The following UIMC1 variants were observed in gnomAD, a reference collection of about 807,000 sequenced individuals.
The protein encoded by UIMC1 is ubiquitin interaction motif containing 1, also known as BRCA1-A complex subunit RAP80.
In UIMC1, 42 loss-of-function variants were observed where a neutral mutation model predicts 84.9. The ratio of observed to expected loss-of-function variants is 0.49; its 90% CI spans 0.39 to 0.64. UIMC1 has a LOEUF of 0.64. Ranked by LOEUF, UIMC1 falls within the 30% of genes least tolerant of loss-of-function variation. The probability of loss-of-function intolerance (pLI) is 0.00; values close to 1 mark genes in which losing one functional copy is unlikely to be tolerated. For synonymous variants in UIMC1, 281 were observed against 293.0 expected (o/e 0.96, Z 0.42); for missense variants, 825 against 847.6 (o/e 0.97, Z 0.33).
chr5:176,913,232 A>C (rs1177055139), intron 10 of UIMC1, among the ~76,000 whole-genome samples: 1 of 152,190 alleles, frequency 6.6e-6, no homozygotes, highest in Non-Finnish European at 1.5e-5. Context: ...TTGGATTGAC[A>C]AATCTTCGAG....
At chr5:176,929,179 C>T (rs931294775) in intron 10 of UIMC1, among the ~76,000 whole-genome samples, 3 of 151,154 alleles carry the variant, frequency 2.0e-5, no homozygotes, top group Non-Finnish European at 2.9e-5. Context: ...CACTTGAACC[C>T]GGGAGGCAGA....
intron 12 of UIMC1, among the ~76,000 whole-genome samples, chr5:176,907,505 T>C (rs957074720): frequency 2.0e-5 from 3 of 152,200 alleles, no homozygotes; most frequent in African/African-American, 7.2e-5. Flanking sequence ...CGCCTCAAAA[T>C]CACCCCATTC....
chr5:176,911,739 GAC>G, intron 10 of UIMC1, among the ~76,000 whole-genome samples: 1 of 152,270 alleles, frequency 6.6e-6, no homozygotes, highest in Non-Finnish European at 1.5e-5. Flanking sequence ...TATCTGGTAT[GAC>G]ACACACTCAA....
chr5:176,928,531 C>G (rs1459034208), intron 10 of UIMC1, among the ~76,000 whole-genome samples: 2 of 152,192 alleles, frequency 1.3e-5, no homozygotes, highest in African/African-American at 4.8e-5. Flanking sequence ...GAGCCCGAGA[C>G]ATTAGCAACA....
rs1193760044 is a variant in UIMC1, at chr5:177,000,530, C to CATTCTT, written c.-9+6114_-9+6119dup. 1.4e-4 allele frequency among the ~76,000 whole-genome samples: 12 copies of CATTCTT among 85,644 alleles called. No individual in the cohort carries two copies. The Middle Eastern group carries it at 0.032, about 228-fold the overall frequency. The allele number at this position is 85,644 out of a possible 152,430, so 56.2% of individuals were successfully genotyped here. ...TTTTTTTTTTTTTGAGATGGAGTTTCATTCTTATTGCCCAGGCTGGAGTGC... is the reference window on the plus strand; with the variant it reads ...TTTTTTTTTTTTTGAGATGGAGTTTCATTCTTATTCTTATTGCCCAGGCTGGAGTGC... On this transcript the variant is annotated intron_variant, in intron 1 of 14. Coordinates refer to ENST00000511320, the MANE Select transcript of UIMC1 (RefSeq NM_001199298.2).
chr5:176,968,486 A>C (rs1026420863), intron 6 of UIMC1, 69 bp downstream of exon 6: 16 of 1,521,396 alleles, frequency 1.1e-5, no homozygotes, highest in Non-Finnish European at 1.3e-5. Flanking sequence ...CACAAAAATA[A>C]CAGCTAAAAT....
Position 176,982,572 on chromosome 5 carries a change from C to T in UIMC1, c.44G>A (p.Arg15Gln), listed in dbSNP as rs868328917. Reference sequence around the variant, plus strand: ...TTCCACATCCTTCTTCTCCAGGTTCCGAGATTCGGAGACTTCTTTAACTTT... The same window carrying T: ...TTCCACATCCTTCTTCTCCAGGTTCTGAGATTCGGAGACTTCTTTAACTTT... ...KKKVKEVSESRNLEKKDVETT... is the reference protein window; with the variant it reads ...KKKVKEVSESQNLEKKDVETT... The change falls in exon 2 of 15, where the codon CGG (arginine) becomes CAG (glutamine). Residue 15 changes from arginine to glutamine, a missense_variant. Transcript: ENST00000511320. 3.3e-5 allele frequency: 54 copies of T among 1,613,968 alleles called. No homozygotes were observed. Among genetic ancestry groups the T allele is most frequent in the Admixed American group, 3.0e-4 (18 of 59,960 alleles).
At chr5:176,930,158 T>C (rs1300080481) in intron 10 of UIMC1, among the ~76,000 whole-genome samples, 1 of 152,186 alleles carries the variant, frequency 6.6e-6, no homozygotes, top group Non-Finnish European at 1.5e-5. Context: ...ATTAGCCAAC[T>C]ATATGCTTCT....
Position 176,987,088 on chromosome 5 carries a change from C to T in UIMC1, c.-8-4465G>A, listed in dbSNP as rs185889964. 9.5e-3 allele frequency among the ~76,000 whole-genome samples: 1,436 copies of T among 151,526 alleles called. 17 individuals are homozygous for T. The highest frequency in any genetic ancestry group is 0.015 in the Non-Finnish European group (1,041 of 67,858). On this transcript the variant is annotated intron_variant, in intron 1 of 14. Transcript: ENST00000511320. ...TACAAAAATTAGCCAGGCGTGGTGG[C>T]GGGCGCCTGTAATCCCAGCTACTTG...
In UIMC1 at chr5:176,908,619, C is replaced by T; in HGVS notation, c.1752G>A (p.Gln584=). The change falls in exon 12 of 15, where the codon CAG becomes CAA. Residue 584 remains glutamine, a synonymous_variant. Transcript: ENST00000511320. ...EYQCHVDSCL[Q]LAKADQGDGP... ...CATCTCCTTGGTCAGCCTTTGCAAG[C>T]TGGAGACAGGAGTCCACATGACACT... The T allele has an allele frequency of 6.2e-7, 1 of 1,614,196 alleles. No individual in the cohort carries two copies. Among genetic ancestry groups the T allele is most frequent in the Non-Finnish European group, 8.5e-7 (1 of 1,180,002 alleles).
chr5:176,983,424 C>T (rs981062094), intron 1 of UIMC1, among the ~76,000 whole-genome samples: 3 of 151,320 alleles, frequency 2.0e-5, no homozygotes, highest in Non-Finnish European at 4.4e-5. Context: ...TGGTGGAGAC[C>T]GGGTTTCGCC....
At chr5:176,979,013 A>G (rs1294669192) in intron 2 of UIMC1, among the ~76,000 whole-genome samples, 2 of 152,244 alleles carry the variant, frequency 1.3e-5, no homozygotes, top group Non-Finnish European at 2.9e-5. Flanking sequence ...AAAAAATGAT[A>G]GTTATTAGCA....
chr5:177,002,853 G>A (rs1354951293), intron 1 of UIMC1, among the ~76,000 whole-genome samples: 1 of 151,962 alleles, frequency 6.6e-6, no homozygotes, highest in Non-Finnish European at 1.5e-5. Flanking sequence ...TAAATCCTAA[G>A]AAACCAGAAT....
intron 10 of UIMC1, among the ~76,000 whole-genome samples, chr5:176,932,423 T>C (rs1480364332): frequency 6.6e-6 from 1 of 152,182 alleles, no homozygotes; most frequent in African/African-American, 2.4e-5. Flanking sequence ...ATGTCATGAA[T>C]ATAAATAATT....
chr5:176,906,202 G>C (rs1312761895), intron 13 of UIMC1, 155 bp from the exon 14 acceptor site: 1 of 645,380 alleles, frequency 1.5e-6, no homozygotes, highest in Non-Finnish European at 2.7e-6. Flanking sequence ...CAGACGGTGA[G>C]CATTAGTGTC....
intron 6 of UIMC1, among the ~76,000 whole-genome samples, chr5:176,965,083 A>C (rs1300640801): frequency 6.6e-6 from 1 of 152,140 alleles, no homozygotes; most frequent in Non-Finnish European, 1.5e-5. Context: ...ATACAGAAAA[A>C]TCAGATGCCC....
intron 1 of UIMC1, among the ~76,000 whole-genome samples, chr5:176,993,626 G>C (rs897928356): frequency 2.0e-5 from 3 of 152,130 alleles, no homozygotes. Context: ...TATCTCTACT[G>C]ATAATTTGTA....
At chr5:177,006,586 C>G (rs559693417) in intron 1 of UIMC1, 64 bp downstream of exon 1, 1 of 152,336 alleles carries the variant, frequency 6.6e-6, no homozygotes, top group Non-Finnish European at 1.5e-5. Flanking sequence ...GCCGCGGACC[C>G]GCTGAGGAAG....
chr5:177,015,211 G>A (rs907221867), intron 1 of UIMC1, among the ~76,000 whole-genome samples: 23 of 152,140 alleles, frequency 1.5e-4, no homozygotes, highest in African/African-American at 5.6e-4. Flanking sequence ...AACCATTTGA[G>A]GTGGGTATCA....
Sources: allele counts gnomAD v4.1 joint callset (sites outside exome capture counted in the v4.1 genomes callset), GRCh38; gene constraint gnomAD v4.1.1; transcripts MANE v1.5; gene names NCBI Gene and HGNC (gene_info 2026-07-23, HGNC 2026-07-21).